Variants in CNTN3 observed in about 807,000 individuals in gnomAD.
CNTN3 encodes contactin 3, also known as contactin-3.
CNTN3 carries 60 observed loss-of-function variants against 119.1 expected under a neutral mutation model. That is an observed-to-expected ratio of 0.50 (90% CI 0.41 to 0.62). The LOEUF is 0.62. CNTN3 is among the 20% of genes least tolerant of loss of function. The pLI is 0.00. For synonymous variants in CNTN3, 450 were observed against 438.7 expected, an observed-to-expected ratio of 1.03 and a Z score of -0.32; for missense variants, 1,101 against 1,242.4, an observed-to-expected ratio of 0.89 and a Z score of 1.71.
intron 11 of CNTN3, among the ~76,000 whole-genome samples, chr3:74,360,357 G>T (rs1337544468): frequency 6.6e-6 from 1 of 152,158 alleles, no homozygotes; most frequent in Admixed American, 6.5e-5. Context: ...TGTACAAAAT[G>T]TGGCACTGAT....
At chr3:74,306,072 T>C (rs868330749) in intron 13 of CNTN3, among the ~76,000 whole-genome samples, 26 of 151,956 alleles carry the variant, frequency 1.7e-4, no homozygotes, top group Middle Eastern at 3.4e-3. Context: ...TTCCCAGGCA[T>C]TTAAGAAAAA....
intron 5 of CNTN3, among the ~76,000 whole-genome samples, chr3:74,395,965 G>A (rs1705040451): frequency 6.6e-6 from 1 of 151,958 alleles, no homozygotes; most frequent in African/African-American, 2.4e-5. Context: ...TGTAATTTTT[G>A]GGGAGCTCCA....
At chr3:74,312,176 G>A (rs971478496) in intron 13 of CNTN3, among the ~76,000 whole-genome samples, 2 of 151,984 alleles carry the variant, frequency 1.3e-5, no homozygotes, top group African/African-American at 2.4e-5. Context: ...ACCTCAGGCC[G>A]GACGTGGTGG....
intron 1 of CNTN3, among the ~76,000 whole-genome samples, chr3:74,548,862 T>C (rs1319547848): frequency 6.6e-6 from 1 of 152,208 alleles, no homozygotes; most frequent in Non-Finnish European, 1.5e-5. Context: ...CTGAGCTTCC[T>C]ACATTTCTCT....
intron 20 of CNTN3, among the ~76,000 whole-genome samples, chr3:74,270,909 G>C (rs1212910748): frequency 6.6e-6 from 1 of 152,090 alleles, no homozygotes; most frequent in Admixed American, 6.5e-5. Flanking sequence ...GTAAAATGAT[G>C]ACATATCACT....
intron 1 of CNTN3, among the ~76,000 whole-genome samples, chr3:74,526,367 G>T (rs1294755637): frequency 6.6e-6 from 1 of 151,686 alleles, no homozygotes; most frequent in Non-Finnish European, 1.5e-5. Flanking sequence ...ACACTAGCAT[G>T]GTAGTCAACT....
At chr3:74,335,604 T>C (rs1040440693) in intron 12 of CNTN3, among the ~76,000 whole-genome samples, 1 of 152,114 alleles carries the variant, frequency 6.6e-6, no homozygotes, top group Non-Finnish European at 1.5e-5. Flanking sequence ...ATTATGCTAG[T>C]CAATTCCCTC....
At chr3:74,579,999 A>C (rs1220712968) in intron 1 of CNTN3, among the ~76,000 whole-genome samples, 1 of 152,172 alleles carries the variant, frequency 6.6e-6, no homozygotes, top group East Asian at 1.9e-4. Flanking sequence ...ATACTGCTGA[A>C]AGGGAAAGGA....
intron 1 of CNTN3, among the ~76,000 whole-genome samples, chr3:74,577,450 A>G (rs1238177182): frequency 6.6e-6 from 1 of 152,156 alleles, no homozygotes; most frequent in African/African-American, 2.4e-5. Context: ...GAATTAGAGT[A>G]CGTGTATGTT....
chr3:74,580,228 A>G (rs1009961030), intron 1 of CNTN3, among the ~76,000 whole-genome samples: 28 of 152,356 alleles, frequency 1.8e-4, no homozygotes, highest in African/African-American at 6.5e-4. Flanking sequence ...AATTTTATCT[A>G]TTAAAGAAAT....
intron 20 of CNTN3, among the ~76,000 whole-genome samples, chr3:74,279,376 C>T (rs148259183): frequency 2.0e-5 from 3 of 152,012 alleles, no homozygotes; most frequent in African/African-American, 7.2e-5. Flanking sequence ...CATCAATCAA[C>T]GAGTGGATAA....
intron 4 of CNTN3, among the ~76,000 whole-genome samples, chr3:74,450,233 T>C (rs927271292): frequency 5.3e-5 from 8 of 152,028 alleles, no homozygotes; most frequent in South Asian, 2.1e-4. Flanking sequence ...TTATATAAAG[T>C]CGAAACAAAA....
intron 4 of CNTN3, among the ~76,000 whole-genome samples, chr3:74,475,153 A>C (rs980128229): frequency 5.9e-5 from 9 of 152,028 alleles, no homozygotes; most frequent in African/African-American, 1.9e-4. Context: ...AATACTCCTT[A>C]TTGCTTAAAC....
At chr3:74,278,232 C>A (rs1701919675) in intron 20 of CNTN3, among the ~76,000 whole-genome samples, 1 of 151,914 alleles carries the variant, frequency 6.6e-6, no homozygotes, top group African/African-American at 2.4e-5. Flanking sequence ...ATCAAAATAC[C>A]ACCATATTCT....
chr3:74,488,365 G>A (rs887902253), intron 3 of CNTN3, among the ~76,000 whole-genome samples: 2 of 152,034 alleles, frequency 1.3e-5, no homozygotes, highest in South Asian at 2.1e-4. Context: ...CGCCCAGCTC[G>A]GCCTCCCAAA....
chr3:74,348,282 T>C (rs1193897715), intron 11 of CNTN3, among the ~76,000 whole-genome samples: 2 of 152,226 alleles, frequency 1.3e-5, no homozygotes, highest in Non-Finnish European at 2.9e-5. Flanking sequence ...TGTATACATA[T>C]ATCAAAATAT....
At chr3:74,544,923 G>A (rs905474129) in intron 1 of CNTN3, among the ~76,000 whole-genome samples, 1 of 152,074 alleles carries the variant, frequency 6.6e-6, no homozygotes, top group Non-Finnish European at 1.5e-5. Flanking sequence ...CAATAAGATG[G>A]GGAAGTAATG....
chr3:74,377,435 A>G (rs1303114247), intron 5 of CNTN3, among the ~76,000 whole-genome samples: 2 of 152,170 alleles, frequency 1.3e-5, no homozygotes, highest in Non-Finnish European at 2.9e-5. Context: ...TGCATTTGCA[A>G]TAAATGTTAA....
At chr3:74,373,053 T>C (rs923755093) in intron 5 of CNTN3, among the ~76,000 whole-genome samples, 13 of 152,226 alleles carry the variant, frequency 8.5e-5, no homozygotes, top group African/African-American at 3.1e-4. Flanking sequence ...CAAACTGATC[T>C]TTAAATCATG....
Sources: allele counts gnomAD v4.1 joint callset (sites outside exome capture counted in the v4.1 genomes callset), GRCh38; gene constraint gnomAD v4.1.1; transcripts MANE v1.5; gene names NCBI Gene and HGNC (gene_info 2026-07-23, HGNC 2026-07-21).